The following ENOX1 variants were observed in gnomAD, a reference collection of about 807,000 sequenced individuals.
ENOX1 encodes candidate growth-related and time keeping constitutive hydroquinone (NADH) oxidase.
In ENOX1, 42 loss-of-function variants were observed where a neutral mutation model predicts 82.5. The ratio of observed to expected loss-of-function variants is 0.51; its 90% CI spans 0.40 to 0.66. The LOEUF (loss-of-function observed/expected upper bound fraction) is 0.66. ENOX1 is among the 30% of genes least tolerant of loss of function. ENOX1 has a pLI of 0.00. For synonymous variants in ENOX1, 271 were observed against 282.2 expected, an observed-to-expected ratio of 0.96 and a Z score of 0.40; for missense variants, 608 against 811.6, an observed-to-expected ratio of 0.75 and a Z score of 3.05.
intron 2 of ENOX1, among the ~76,000 whole-genome samples, chr13:43,566,977 G>A (rs1333466687): frequency 6.6e-6 from 1 of 151,976 alleles, no homozygotes; most frequent in Non-Finnish European, 1.5e-5. Flanking sequence ...AAATAAGAAT[G>A]AGCAGAACAA....
intron 10 of ENOX1, among the ~76,000 whole-genome samples, chr13:43,325,748 C>T (rs923198677): frequency 2.6e-5 from 4 of 152,002 alleles, no homozygotes; most frequent in Non-Finnish European, 4.4e-5. Flanking sequence ...AGGTTCAAAG[C>T]GTACACTACT....
intron 4 of ENOX1, 132 bp downstream of exon 4, chr13:43,412,713 T>G (rs1395728114): frequency 4.3e-6 from 4 of 928,528 alleles, no homozygotes; most frequent in Non-Finnish European, 6.2e-6. Flanking sequence ...TCATTTTCAC[T>G]AGTTCTACAG....
At chr13:43,219,915 C>A (rs2041696666) in intron 16 of ENOX1, among the ~76,000 whole-genome samples, 1 of 152,240 alleles carries the variant, frequency 6.6e-6, no homozygotes, top group Non-Finnish European at 1.5e-5. Flanking sequence ...AGTTGAAAAC[C>A]AGACTTCCTT....
At chr13:43,533,323 C>T (rs1049185337) in intron 2 of ENOX1, among the ~76,000 whole-genome samples, 1 of 152,068 alleles carries the variant, frequency 6.6e-6, no homozygotes, top group Non-Finnish European at 1.5e-5. Context: ...TTTTTTCTCC[C>T]TTCTCAATAT....
At chr13:43,345,514 A>T (rs2153546053) in intron 8 of ENOX1, among the ~76,000 whole-genome samples, 1 of 152,310 alleles carries the variant, frequency 6.6e-6, no homozygotes, top group Non-Finnish European at 1.5e-5. Flanking sequence ...CCTGAAAATA[A>T]GTGATAAAGT....
rs370036237 is a variant in ENOX1 at position 43,417,193 on chromosome 13, A to AGGGAGAC, written c.-74-4212_-74-4206dup. On this transcript the variant is annotated intron_variant, in intron 3 of 16. Coordinates refer to ENST00000690772, the MANE Select transcript of ENOX1 (RefSeq NM_001347969.2). ...CAGTACAGTCCAGCCTCAGCAACAG[A>AGGGAGAC]GGGAGACGGGAGACGGGAGACGGGA... Among the ~76,000 whole-genome samples, 1,145 of 132,742 alleles carry AGGGAGAC rather than the reference A, an allele frequency of 8.6e-3. 49 individuals carry two copies. Among genetic ancestry groups the AGGGAGAC allele is most frequent in the African/African-American group, 0.029 (1,045 of 36,062 alleles). The allele number at this position is 132,742 out of a possible 152,430, so 87.1% of individuals were successfully genotyped here.
chr13:43,294,804 A>G (rs1443478989), intron 12 of ENOX1, among the ~76,000 whole-genome samples: 1 of 152,230 alleles, frequency 6.6e-6, no homozygotes, highest in Non-Finnish European at 1.5e-5. Flanking sequence ...AGAAGGAATG[A>G]ATGCCTGATA....
chr13:43,252,613 G>A (rs2043521159), intron 14 of ENOX1, among the ~76,000 whole-genome samples: 1 of 152,220 alleles, frequency 6.6e-6, no homozygotes. Context: ...TGCTCTGCCT[G>A]AATTAGGAAC....
At chr13:43,352,149 T>C (rs1002559356) in intron 8 of ENOX1, among the ~76,000 whole-genome samples, 2 of 152,186 alleles carry the variant, frequency 1.3e-5, no homozygotes, top group African/African-American at 2.4e-5. Context: ...CTATTCTATA[T>C]GCAAATAAGA....
At chr13:43,532,042 T>C (rs2153688879) in intron 2 of ENOX1, among the ~76,000 whole-genome samples, 2 of 152,184 alleles carry the variant, frequency 1.3e-5, no homozygotes, top group African/African-American at 4.8e-5. Context: ...ACCTGCACGT[T>C]GTGCACATGT....
chr13:43,619,399 T>G (rs1156461730), intron 2 of ENOX1, among the ~76,000 whole-genome samples: 1 of 152,152 alleles, frequency 6.6e-6, no homozygotes, highest in Non-Finnish European at 1.5e-5. Context: ...CTTAGATGGC[T>G]TTTATTACAT....
chr13:43,439,041 C>CTTTTTTTTTTTTTTTTT (rs61212622), intron 3 of ENOX1, among the ~76,000 whole-genome samples: 2 of 120,146 alleles, frequency 1.7e-5, no homozygotes, highest in African/African-American at 6.2e-5. Context: ...GTCTTTTAAT[C>CTTTTTTTTTTTTTTTTT]TTTTTTTTTT....
chr13:43,527,599 T>C (rs1018860756), intron 2 of ENOX1, among the ~76,000 whole-genome samples: 1 of 152,120 alleles, frequency 6.6e-6, no homozygotes, highest in Non-Finnish European at 1.5e-5. Context: ...AGAAGAAATC[T>C]AAAAATAATA....
chr13:43,727,758 T>A (rs1433631471), intron 1 of ENOX1, among the ~76,000 whole-genome samples: 1 of 152,216 alleles, frequency 6.6e-6, no homozygotes, highest in Non-Finnish European at 1.5e-5. Context: ...TTGAAAAATA[T>A]TAACAACTTT....
intron 8 of ENOX1, among the ~76,000 whole-genome samples, chr13:43,350,417 T>C (rs988662921): frequency 1.3e-4 from 20 of 152,138 alleles, no homozygotes; most frequent in African/African-American, 4.8e-4. Context: ...TAGATAATGA[T>C]GGGGAAAATA....
chr13:43,720,653 T>C (rs2088506492), intron 1 of ENOX1, among the ~76,000 whole-genome samples: 2 of 152,186 alleles, frequency 1.3e-5, no homozygotes, highest in African/African-American at 4.8e-5. Flanking sequence ...TGAACTTGTG[T>C]TTTGTAAGTG....
chr13:43,258,085 C>T (rs2043851411), intron 14 of ENOX1, among the ~76,000 whole-genome samples: 1 of 152,228 alleles, frequency 6.6e-6, no homozygotes, highest in Non-Finnish European at 1.5e-5. Flanking sequence ...CTAGCCCCAG[C>T]CTCCAGCAGT....
intron 5 of ENOX1, among the ~76,000 whole-genome samples, chr13:43,410,902 C>T (rs1411438191): frequency 1.3e-5 from 2 of 152,198 alleles, no homozygotes; most frequent in African/African-American, 4.8e-5. Context: ...CTGGTTGTCA[C>T]CTCTCCACTA....
At chr13:43,412,146 A>G in intron 4 of ENOX1, 93 bp from the exon 5 acceptor site, 1 of 1,422,806 alleles carries the variant, frequency 7.0e-7, no homozygotes, top group South Asian at 1.3e-5. Flanking sequence ...GGCTTCATTT[A>G]GCACATTCCC....
Sources: allele counts gnomAD v4.1 joint callset (sites outside exome capture counted in the v4.1 genomes callset), GRCh38; gene constraint gnomAD v4.1.1; transcripts MANE v1.5; gene names NCBI Gene and HGNC (gene_info 2026-07-23, HGNC 2026-07-21).